Variants in PCDHA8 observed in about 807,000 individuals in gnomAD.
PCDHA8 encodes the protein protocadherin alpha 8, also known as protocadherin alpha-8.
A neutral mutation model predicts 61.8 loss-of-function variants in PCDHA8; 53 were observed. The ratio of observed to expected loss-of-function variants is 0.86; its 90% confidence interval spans 0.69 to 1.08. The LOEUF is 1.08. Ranked by LOEUF, PCDHA8 falls within the 50% of genes least tolerant of loss-of-function variation. The pLI is 0.00. For missense variants in PCDHA8, 1,293 were observed against 1,245.0 expected (o/e 1.04, Z -0.58); for synonymous variants, 618 against 556.6 (o/e 1.11, Z -1.55).
At chr5:140,884,066 G>A in intron 1 of PCDHA8, 1 of 1,613,512 alleles carries the variant, frequency 6.2e-7, no homozygotes, top group South Asian at 1.1e-5. Flanking sequence ...GGTGGACGCC[G>A]ATTCGGGCTA....
At chr5:140,978,914 C>T (rs2096828574) in intron 1 of PCDHA8, 35 bp from the exon 2 acceptor site, 5 of 1,613,852 alleles carry the variant, frequency 3.1e-6, no homozygotes, top group Non-Finnish European at 3.4e-6. Flanking sequence ...ATTGTCTTGT[C>T]ATTTTAACAG....
intron 1 of PCDHA8, chr5:140,871,260 G>T (rs761268820): frequency 1.4e-5 from 22 of 1,613,980 alleles, no homozygotes; most frequent in Admixed American, 8.3e-5. Context: ...TGTATACGGC[G>T]CTGTGGTGGT....
At chr5:140,965,657 T>TA (rs2095920205) in intron 1 of PCDHA8, among the ~76,000 whole-genome samples, 2 of 152,196 alleles carry the variant, frequency 1.3e-5, no homozygotes, top group Non-Finnish European at 2.9e-5. Context: ...AGAAAATGTC[T>TA]TGGGTGATAA....
intron 1 of PCDHA8, among the ~76,000 whole-genome samples, chr5:140,923,186 C>T (rs559668347): frequency 2.0e-5 from 3 of 152,206 alleles, no homozygotes; most frequent in African/African-American, 7.2e-5. Context: ...GATGCATCTA[C>T]TGCAGCAATT....
intron 1 of PCDHA8, among the ~76,000 whole-genome samples, chr5:140,906,517 TACTC>T (rs2072719927): frequency 2.0e-5 from 3 of 152,358 alleles, no homozygotes; most frequent in Admixed American, 6.5e-5. Context: ...AAGGAGGAAA[TACTC>T]ACGACAATTA....
Position 140,842,900 on chromosome 5 carries a change from G to A in PCDHA8, c.1579G>A (p.Glu527Lys), listed in dbSNP as rs2150347456. Reference protein sequence around the residue: ...VYALQPLDHEELELLQFQVSA... With the variant: ...VYALQPLDHEKLELLQFQVSA... ...CGCGCTGCAGCCGCTGGACCACGAG[G>A]AGCTAGAGCTGCTGCAGTTCCAGGT... Residue 527 changes from glutamate to lysine, a missense_variant, in exon 1 of 4, where the codon GAG becomes AAG. Physicochemically the swap from Glu to Lys is moderately conservative, Grantham distance 56. Transcript: ENST00000531613. 6.3e-7 allele frequency: 1 copy of A among 1,594,414 alleles called. No homozygotes were observed. The highest frequency in any genetic ancestry group is 2.2e-5 in the East Asian group (1 of 44,796).
intron 1 of PCDHA8, chr5:140,870,060 A>G (rs2051623081): frequency 6.2e-7 from 1 of 1,613,776 alleles, no homozygotes; most frequent in African/African-American, 1.3e-5. Flanking sequence ...AAATTGAAGT[A>G]CAGGCTACAG....
intron 1 of PCDHA8, among the ~76,000 whole-genome samples, chr5:140,945,724 A>G (rs569323682): frequency 4.6e-5 from 7 of 152,272 alleles, no homozygotes; most frequent in South Asian, 2.1e-4. Flanking sequence ...AAGAATATAC[A>G]ATGGAAAAAG....
At chr5:140,884,344 G>C in intron 1 of PCDHA8, 1 of 1,613,904 alleles carries the variant, frequency 6.2e-7, no homozygotes, top group Non-Finnish European at 8.5e-7. Context: ...CAGAAGCGGC[G>C]CTGGTGGATG....
chr5:140,886,368 C>A (rs1174734883), intron 1 of PCDHA8, among the ~76,000 whole-genome samples: 1 of 152,040 alleles, frequency 6.6e-6, no homozygotes, highest in Non-Finnish European at 1.5e-5. Flanking sequence ...GGTGTACATG[C>A]CATGGTGTGC....
chr5:140,857,254 T>C (rs2044453142), intron 1 of PCDHA8: 2 of 1,598,512 alleles, frequency 1.3e-6, no homozygotes, highest in East Asian at 4.5e-5. Flanking sequence ...CCTACAAGAA[T>C]TACTACTCAT....
chr5:140,848,364 G>C lies in PCDHA8; in HGVS notation c.2394+4649G>C, dbSNP rs916399183. On this transcript the variant is annotated intron_variant, in intron 1 of 3. Transcript: ENST00000531613. ...AATACAGCCCTTTTCCCATGGGAAA[G>C]AGGCTCAATTCTTTTTCACTCTCTC... 35 of 1,077,596 alleles carry C rather than the reference G, an allele frequency of 3.2e-5. 3 individuals are homozygous for C. Among genetic ancestry groups the C allele is most frequent in the African/African-American group, 4.7e-5 (3 of 63,656 alleles). 66.8% of individuals were successfully genotyped at this position (1,077,596 alleles called of 1,614,324 possible). A position where few individuals can be genotyped will look rare whatever the true frequency, so the allele number is the denominator to read the frequency against.
intron 1 of PCDHA8, chr5:140,882,890 C>T (rs2059348397): frequency 6.2e-7 from 1 of 1,614,060 alleles, no homozygotes; most frequent in East Asian, 2.2e-5. Flanking sequence ...AATTCAGGAA[C>T]ATAGTTTATT....
intron 1 of PCDHA8, among the ~76,000 whole-genome samples, chr5:140,871,958 G>A (rs1251366239): frequency 1.3e-5 from 2 of 152,180 alleles, no homozygotes; most frequent in Non-Finnish European, 2.9e-5. Context: ...CTAAAGGGAG[G>A]AGGTCTTCCT....
rs762916391 is a variant in PCDHA8, at chr5:140,927,929, C to T, written c.2395-51020C>T. 13 of 1,614,090 alleles carry T rather than the reference C, an allele frequency of 8.1e-6. No homozygotes were observed. The highest frequency in any genetic ancestry group is 5.0e-5 in the Admixed American group (3 of 60,008). ...CCCGAACTGGACTTCCTGACTCTTT[C>T]GAACCCAGTACCTGAGGACGCTGCC... On this transcript the variant is annotated intron_variant, in intron 1 of 3. Transcript: ENST00000531613.
chr5:140,935,996 G>A (rs145363850), intron 1 of PCDHA8, among the ~76,000 whole-genome samples: 2 of 150,844 alleles, frequency 1.3e-5, no homozygotes, highest in African/African-American at 4.9e-5. Context: ...GGGTTCAAGC[G>A]ATTCTCCCAC....
At chr5:140,872,800 C>T (rs2053907687) in intron 1 of PCDHA8, among the ~76,000 whole-genome samples, 2 of 152,078 alleles carry the variant, frequency 1.3e-5, no homozygotes, top group African/African-American at 4.8e-5. Context: ...TGGCATTCTT[C>T]CATAAGTTTT....
intron 1 of PCDHA8, among the ~76,000 whole-genome samples, chr5:140,947,914 GCCTTAAC>G (rs2094192185): frequency 6.6e-6 from 1 of 151,456 alleles, no homozygotes. Context: ...AGACATTCTT[GCCTTAAC>G]CCTGATCTTA....
At chr5:140,851,327 T>C in intron 1 of PCDHA8, 1 of 984,006 alleles carries the variant, frequency 1.0e-6, no homozygotes, top group East Asian at 8.4e-5. Context: ...GTTAAGTTTG[T>C]AGTTCTCTAC....
Sources: allele counts gnomAD v4.1 joint callset (sites outside exome capture counted in the v4.1 genomes callset), GRCh38; gene constraint gnomAD v4.1.1; transcripts MANE v1.5; gene names NCBI Gene and HGNC (gene_info 2026-07-23, HGNC 2026-07-21).